DAZAP1: variants seen among roughly 807,000 people sequenced by gnomAD.
DAZAP1 encodes the protein DAZ-associated protein 1.
Under a neutral mutation model 60.1 loss-of-function variants are expected in DAZAP1, and 6 were observed. The ratio of observed to expected loss-of-function variants is 0.10; its 90% CI spans 0.05 to 0.20. The LOEUF is 0.20. DAZAP1 is among the 10% of genes least tolerant of loss of function. The pLI, the probability that DAZAP1 is intolerant of heterozygous loss-of-function variation, is 1.00. For synonymous variants in DAZAP1, 235 were observed against 215.9 expected (o/e 1.09, Z -0.78); for missense variants, 366 against 560.4 (o/e 0.65, Z 3.50).
Position 1,418,363 on chromosome 19 carries a change from G to A in DAZAP1, c.230G>A (p.Gly77Asp). 2 of 1,612,558 alleles carry A rather than the reference G, an allele frequency of 1.2e-6. No homozygotes were observed. The highest frequency in any genetic ancestry group is 1.7e-6 in the Non-Finnish European group (2 of 1,178,866). The part of the protein sequence containing the change: ...VLASRPHTLD[G>D]RNIDPKPCTP... ...GCCAGCAGACCGCACACGCTAGATG[G>A]CCGAAACGTAAGTGCCCTTCCGGGA... Residue 77 changes from glycine to aspartate, a missense_variant, in exon 3 of 12, where the codon GGC (glycine) becomes GAC (aspartate). By Grantham distance (94) the Gly-to-Asp change is moderately conservative. This residue lies in a region of DAZAP1 where 98 missense variants were observed against 155.3 expected (regional missense o/e 0.63). Transcript: ENST00000233078. This position sits in a 1 kb window ranked among gnomAD's most constrained non-coding sequence, Gnocchi z 5.7.
Position 1,425,586 on chromosome 19 carries a change from A to G in DAZAP1, c.464-292A>G, listed in dbSNP as rs2083287647. 6.6e-6 allele frequency among the ~76,000 whole-genome samples: 1 copy of G among 152,136 alleles called. No homozygotes were observed. The highest frequency in any genetic ancestry group is 2.4e-5 in the African/African-American group (1 of 41,422). ...TTTTATAAGATGTGCTCCTTGTTCC[A>G]AATCTTTGTGACACGGAGCCCCAGC... is the stretch of plus-strand genomic sequence containing the variant. On this transcript the variant is annotated intron_variant, in intron 6 of 11. Transcript: ENST00000233078. This position sits in a 1 kb window ranked among gnomAD's most constrained non-coding sequence, Gnocchi z 5.4.
chr19:1,434,520 T>C lies in DAZAP1; in HGVS notation c.1049-217T>C, dbSNP rs1486320385. 4 of 530,122 alleles carry C rather than the reference T, an allele frequency of 7.5e-6. No individual in the cohort carries two copies. Among genetic ancestry groups the C allele is most frequent in the Non-Finnish European group, 1.3e-5 (4 of 299,500 alleles). 32.8% of individuals were successfully genotyped at this position (530,122 alleles called of 1,614,324 possible). On this transcript the variant is annotated intron_variant, in intron 11 of 11. Coordinates refer to ENST00000233078, the MANE Select transcript of DAZAP1 (RefSeq NM_018959.4). This position sits in a 1 kb window ranked among gnomAD's most constrained non-coding sequence, Gnocchi z 8.0. ...CATGGAGGGCTCTGGAAGCCGCTTT[T>C]CTCTGTGTGTGCCCCTGCTCACATG...
intron 10 of DAZAP1, among the ~76,000 whole-genome samples, chr19:1,430,718 A>G (rs1380721602): frequency 2.0e-5 from 3 of 150,954 alleles, no homozygotes; most frequent in Admixed American, 2.0e-4. Flanking sequence ...TACAAGCTCT[A>G]ATTGTTTTTT....
chr19:1,434,715 C>T lies in DAZAP1; in HGVS notation c.1049-22C>T. On this transcript the variant is annotated intron_variant, in intron 11 of 11. Coordinates refer to ENST00000233078, the MANE Select transcript of DAZAP1 (RefSeq NM_018959.4). This position sits in a 1 kb window ranked among gnomAD's most constrained non-coding sequence, Gnocchi z 8.0. The stretch of plus-strand genomic sequence containing the variant: ...CCAACCGCCCAGGGACCGCCCCGAG[C>T]TCACAGGACTTTCTCCCCCAGCAGG... 2 of 1,608,684 alleles carry T rather than the reference C, an allele frequency of 1.2e-6. No individual in the cohort carries two copies. The highest frequency in any genetic ancestry group is 1.3e-5 in the African/African-American group (1 of 74,520).
intron 1 of DAZAP1, among the ~76,000 whole-genome samples, chr19:1,413,631 T>C (rs140712652): frequency 8.1e-4 from 124 of 152,332 alleles, no homozygotes; most frequent in African/African-American, 2.9e-3. Context: ...TGCTCTCAAA[T>C]ATCTCAACAG....
intron 1 of DAZAP1, among the ~76,000 whole-genome samples, chr19:1,410,565 C>T (rs771191348): frequency 6.6e-6 from 1 of 152,228 alleles, no homozygotes; most frequent in Non-Finnish European, 1.5e-5. Flanking sequence ...CTGGCTTGAG[C>T]GCCTCTGACT....
At chr19:1,412,682 T>G (rs951553343) in intron 1 of DAZAP1, among the ~76,000 whole-genome samples, 2 of 152,204 alleles carry the variant, frequency 1.3e-5, no homozygotes, top group African/African-American at 4.8e-5. Flanking sequence ...ACTTTACGCA[T>G]AAATACCGCA....
chr19:1,432,234 T>C lies in DAZAP1; in HGVS notation c.872-280T>C. 3.9e-6 allele frequency: 2 copies of C among 518,686 alleles called. No homozygotes were observed. Among genetic ancestry groups the C allele is most frequent in the South Asian group, 4.7e-5 (2 of 42,940 alleles). The allele number at this position is 518,686 out of a possible 1,614,324, so 32.1% of individuals were successfully genotyped here. Reference sequence around the variant, plus strand: ...TGAGGTTACTTGCTCCTTGAGTTCTTGTCTGAGGCCCACCTGGCGGCTGCT... The same window carrying C: ...TGAGGTTACTTGCTCCTTGAGTTCTCGTCTGAGGCCCACCTGGCGGCTGCT... On this transcript the variant is annotated intron_variant, in intron 10 of 11. Transcript: ENST00000233078. This position sits in a 1 kb window ranked among gnomAD's most constrained non-coding sequence, Gnocchi z 4.9.
chr19:1,417,579 G>T (rs1201017037), intron 2 of DAZAP1, 39 bp downstream of exon 2: 3 of 1,584,056 alleles, frequency 1.9e-6, no homozygotes, highest in African/African-American at 2.7e-5. Flanking sequence ...ACTGCAGATG[G>T]GCTCTAGGAC....
chr19:1,433,058 A>G lies in DAZAP1; in HGVS notation c.1048+368A>G. On this transcript the variant is annotated intron_variant, in intron 11 of 11. Transcript: ENST00000233078. This position sits in a 1 kb window ranked among gnomAD's most constrained non-coding sequence, Gnocchi z 6.1. ...GTGCACTGGCCCCTTGGTGGGTTCC[A>G]GTTTCTGGCGTCATCAGCCTCCTGC... 4.4e-6 allele frequency: 1 copy of G among 226,234 alleles called. No homozygotes were observed. The highest frequency in any genetic ancestry group is 1.2e-4 in the East Asian group (1 of 8,102). 14.0% of individuals were successfully genotyped at this position (226,234 alleles called of 1,614,324 possible).
At position 1,430,253 on chromosome 19, in the gene DAZAP1, A is replaced by T; in HGVS notation, c.762A>T (p.Gly254=). ...GGYGPPPAGR[G]APPPPPPFTS... is the part of the protein sequence containing the mutation. ...ATGGACCGCCCCCTGCAGGAAGAGG[A>T]GCCCCCCCGCCACCCCCACCGTTCA... Residue 254 remains glycine, a synonymous_variant, in exon 10 of 12, where the codon GGA becomes GGT. Coordinates refer to ENST00000233078, the MANE Select transcript of DAZAP1 (RefSeq NM_018959.4). The T allele has an allele frequency of 4.4e-6, 6 of 1,353,072 alleles. No homozygotes were observed. Among genetic ancestry groups the T allele is most frequent in the Non-Finnish European group, 6.2e-6 (6 of 973,874 alleles). The allele number at this position is 1,353,072 out of a possible 1,614,324, so 83.8% of individuals were successfully genotyped here.
intron 9 of DAZAP1, 62 bp from the exon 10 acceptor site, chr19:1,430,160 A>G: frequency 4.5e-6 from 7 of 1,552,588 alleles, no homozygotes; most frequent in Non-Finnish European, 5.3e-6. Context: ...CCTGGGTCTA[A>G]CTGTGGCCAG....
chr19:1,417,278 G>T, intron 1 of DAZAP1: 1 of 607,274 alleles, frequency 1.6e-6, no homozygotes, highest in Non-Finnish European at 2.9e-6. Flanking sequence ...CTGTGGCACG[G>T]TCCTCTCCCC....
At position 1,433,140 on chromosome 19, in the gene DAZAP1, G is replaced by A. The variant is rs896457700; in HGVS notation, c.1048+450G>A. The A allele has an allele frequency of 9.0e-5, 17 of 189,332 alleles. No individual in the cohort carries two copies. Among genetic ancestry groups the A allele is most frequent in the African/African-American group, 3.3e-4 (14 of 42,006 alleles). The allele number at this position is 189,332 out of a possible 1,614,324, so 11.7% of individuals were successfully genotyped here. On this transcript the variant is annotated intron_variant, in intron 11 of 11. Transcript: ENST00000233078. This position sits in a 1 kb window ranked among gnomAD's most constrained non-coding sequence, Gnocchi z 6.1. ...GGTCTGTAGTAGGCGTGGCCTGGACGTGGGCTTCACCCTGGACTGGATGGC... is the reference window on the plus strand; with the variant it reads ...GGTCTGTAGTAGGCGTGGCCTGGACATGGGCTTCACCCTGGACTGGATGGC...
intron 8 of DAZAP1, among the ~76,000 whole-genome samples, chr19:1,429,652 C>T (rs1021778803): frequency 1.9e-4 from 29 of 152,300 alleles, no homozygotes; most frequent in African/African-American, 6.5e-4. Flanking sequence ...CCTGCCCTCT[C>T]GAGGCTTAGA....
At chr19:1,411,810 C>T (rs1018236281) in intron 1 of DAZAP1, among the ~76,000 whole-genome samples, 4 of 152,226 alleles carry the variant, frequency 2.6e-5, no homozygotes, top group African/African-American at 9.6e-5. Context: ...CTGCCCGCCC[C>T]GCACAGAGGG....
chr19:1,420,866 G>A (rs960071373), intron 4 of DAZAP1, among the ~76,000 whole-genome samples: 1 of 152,196 alleles, frequency 6.6e-6, no homozygotes, highest in Non-Finnish European at 1.5e-5. Context: ...GTTGTAATTC[G>A]GAATAGCTGA....
chr19:1,417,071 C>G, intron 1 of DAZAP1: 1 of 176,226 alleles, frequency 5.7e-6, no homozygotes, highest in Non-Finnish European at 1.2e-5. Flanking sequence ...GGCCGTGTGG[C>G]ATAGGCTTCT....
chr19:1,409,474 T>C (rs1354820060), intron 1 of DAZAP1, among the ~76,000 whole-genome samples: 1 of 152,074 alleles, frequency 6.6e-6, no homozygotes, highest in Non-Finnish European at 1.5e-5. Context: ...ACAGCACAAA[T>C]AGGCTCGCAG....
Sources: gnomAD v4.1 joint callset for allele counts (sites outside exome capture counted in the v4.1 genomes callset) on GRCh38, gnomAD v4.1.1 for gene constraint, gnomAD v4.1.1 regional missense constraint, Gnocchi (gnomAD v3.1) non-coding constraint, MANE v1.5 for transcripts, NCBI Gene and HGNC (gene_info 2026-07-23, HGNC 2026-07-21) for gene names.